RPP30: variants seen among roughly 807,000 people sequenced by gnomAD.
RPP30 encodes ribonuclease P/MRP subunit p30.
In RPP30, 36 loss-of-function variants were observed where a neutral mutation model predicts 38.6. That is an observed-to-expected ratio of 0.93 (90% CI 0.71 to 1.23). RPP30 has a LOEUF of 1.23. Ranked by LOEUF, RPP30 falls within the 50% of genes most tolerant of loss-of-function variation. RPP30 has a pLI of 0.00. For synonymous variants in RPP30, 126 were observed against 112.7 expected, an observed-to-expected ratio of 1.12 and a Z score of -0.75; for missense variants, 321 against 321.7, an observed-to-expected ratio of 1.00 and a Z score of 0.02.
At chr10:90,885,983 C>T (rs1846995743) in intron 6 of RPP30, 82 bp downstream of exon 6, 1 of 917,536 alleles carries the variant, frequency 1.1e-6, no homozygotes, top group African/African-American at 1.7e-5. Context: ...AATCAGTGTT[C>T]TTAGAAGGAA....
downstream of RPP30, among the ~76,000 whole-genome samples, chr10:90,904,548 T>C (rs1196192798): frequency 6.6e-6 from 1 of 152,164 alleles, no homozygotes; most frequent in Non-Finnish European, 1.5e-5. Context: ...TGCCATGGCT[T>C]ACACTTGTAA....
chr10:90,906,688 G>A (rs1449889340), downstream of RPP30, among the ~76,000 whole-genome samples: 1 of 152,200 alleles, frequency 6.6e-6, no homozygotes, highest in Non-Finnish European at 1.5e-5. Context: ...ACCTGAACTA[G>A]GGCAGAGGCA....
intron 6 of RPP30, among the ~76,000 whole-genome samples, chr10:90,892,223 A>G (rs1245480490): frequency 6.6e-6 from 1 of 152,210 alleles, no homozygotes; most frequent in African/African-American, 2.4e-5. Context: ...AGAGGCTGTT[A>G]GGAACAATCA....
downstream of RPP30, among the ~76,000 whole-genome samples, chr10:90,904,705 G>T (rs548990493): frequency 6.6e-6 from 1 of 152,074 alleles, no homozygotes; most frequent in African/African-American, 2.4e-5. Flanking sequence ...CCTGCTACTC[G>T]GGAGGCTGAG....
chr10:90,898,252 T>A (rs1446286309), intron 10 of RPP30, among the ~76,000 whole-genome samples: 10 of 152,196 alleles, frequency 6.6e-5, no homozygotes, highest in Admixed American at 6.5e-4. Flanking sequence ...GAACTTTGGG[T>A]GGCATTACCA....
chr10:90,885,822 CA>C lies in RPP30; in HGVS notation c.354del (p.His119IlefsTer2), dbSNP rs1846993060. On this transcript the variant is annotated frameshift_variant, in exon 6 of 11. Coordinates refer to ENST00000371703, the MANE Select transcript of RPP30 (RefSeq NM_006413.5). LOFTEE classifies it high-confidence loss of function. ...KTEKLFHIAC[T>X]HLDVDLVCIT... ...TTTTCTTCTTTACAGATTGCTTGCA[CA>C]CATTTAGATGTGGATTTAGTCTGCA... The C allele has an allele frequency of 1.9e-6, 3 of 1,607,572 alleles. No homozygotes were observed. Among genetic ancestry groups the C allele is most frequent in the African/African-American group, 2.7e-5 (2 of 74,672 alleles).
chr10:90,878,250 T>G (rs967456060), intron 4 of RPP30, among the ~76,000 whole-genome samples: 2 of 152,168 alleles, frequency 1.3e-5, no homozygotes, highest in African/African-American at 4.8e-5. Flanking sequence ...TAGCAGGCCC[T>G]CTTACCTGCT....
chr10:90,897,663 A>G (rs1438028179), intron 10 of RPP30, among the ~76,000 whole-genome samples: 1 of 152,242 alleles, frequency 6.6e-6, no homozygotes, highest in Non-Finnish European at 1.5e-5. Flanking sequence ...AATGGACTAA[A>G]CAAGAAACAG....
At chr10:90,877,172 C>A (rs116282759) in intron 4 of RPP30, among the ~76,000 whole-genome samples, 1 of 152,018 alleles carries the variant, frequency 6.6e-6, no homozygotes, top group African/African-American at 2.4e-5. Context: ...ATTAGCAGGC[C>A]GTGCTGGCGG....
chr10:90,899,284 C>T (rs772366504), intron 10 of RPP30, among the ~76,000 whole-genome samples: 6 of 152,128 alleles, frequency 3.9e-5, no homozygotes, highest in Non-Finnish European at 7.4e-5. Flanking sequence ...ACCTTGAGAG[C>T]AGTTTTATCC....
At chr10:90,893,543 C>T (rs1458783058) in intron 6 of RPP30, among the ~76,000 whole-genome samples, 1 of 152,126 alleles carries the variant, frequency 6.6e-6, no homozygotes, top group African/African-American at 2.4e-5. Context: ...AGGAATAATC[C>T]TCATCACCAG....
intron 4 of RPP30, among the ~76,000 whole-genome samples, chr10:90,878,414 G>A (rs1417823740): frequency 1.3e-5 from 2 of 151,978 alleles, no homozygotes; most frequent in East Asian, 1.9e-4. Context: ...GTATGTTTGT[G>A]TATAAATGTA....
intron 4 of RPP30, among the ~76,000 whole-genome samples, chr10:90,877,501 G>A (rs12778830): frequency 6.6e-6 from 1 of 151,944 alleles, no homozygotes. Flanking sequence ...GGATGAGCTA[G>A]GATTGGAGAC....
In RPP30 at chr10:90,899,952, AGC is replaced by A. The variant is rs1302952992; in HGVS notation, c.698-617_698-616del. Among the ~76,000 whole-genome samples, 336 of 152,376 alleles carry A rather than the reference AGC, an allele frequency of 2.2e-3. 1 individual carries two copies. Among genetic ancestry groups the A allele is most frequent in the Middle Eastern group, 0.01 (3 of 294 alleles). ...TAAATTTAAGTTGAACTCTGCTGCC[AGC>A]CTAATCTAAGCATTTAATAATTTCT... is the stretch of plus-strand genomic sequence containing the variant. On this transcript the variant is annotated intron_variant, in intron 10 of 10. Coordinates refer to ENST00000371703, the MANE Select transcript of RPP30 (RefSeq NM_006413.5).
At chr10:90,886,353 G>A (rs1047565755) in intron 6 of RPP30, among the ~76,000 whole-genome samples, 1 of 152,148 alleles carries the variant, frequency 6.6e-6, no homozygotes. Flanking sequence ...CTGTGTTGAA[G>A]CATGCTTATT....
chr10:90,898,218 A>C (rs1357659832), intron 10 of RPP30, among the ~76,000 whole-genome samples: 1 of 152,108 alleles, frequency 6.6e-6, no homozygotes, highest in Non-Finnish European at 1.5e-5. Flanking sequence ...GCTTTTATAG[A>C]AGCTAAACTT....
chr10:90,900,459 C>A, intron 10 of RPP30, 111 bp from the exon 11 acceptor site: 1 of 1,038,824 alleles, frequency 9.6e-7, no homozygotes, highest in Non-Finnish European at 1.4e-6. Flanking sequence ...CATAGCAGTT[C>A]ATTATGGCTT....
In RPP30 at chr10:90,895,850, CAT is replaced by C. The variant is rs1401027224; in HGVS notation, c.580-27_580-26del. On this transcript the variant is annotated intron_variant, in intron 8 of 10. Coordinates refer to ENST00000371703, the MANE Select transcript of RPP30 (RefSeq NM_006413.5). ...ATTGAAATGTTATAAATAATTTTCT[CAT>C]ATCTACTCTTTGTTCATTTTATTTC... 5 of 1,508,366 alleles carry C rather than the reference CAT, an allele frequency of 3.3e-6. No individual in the cohort carries two copies. The Admixed American group carries it at 9.3e-5, about 28-fold the overall frequency. The allele number at this position is 1,508,366 out of a possible 1,614,324, so 93.4% of individuals were successfully genotyped here.
downstream of RPP30, chr10:90,903,189 A>G: frequency 6.4e-7 from 1 of 1,557,402 alleles, no homozygotes; most frequent in Non-Finnish European, 8.9e-7. Flanking sequence ...TTCTGCTTTA[A>G]AGGAACTAGA....
Sources: allele counts gnomAD v4.1 joint callset (sites outside exome capture counted in the v4.1 genomes callset), GRCh38; gene constraint gnomAD v4.1.1; transcripts MANE v1.5; gene names NCBI Gene and HGNC (gene_info 2026-07-23, HGNC 2026-07-21).